The following BCLAF3 variants were observed in gnomAD, a reference collection of about 807,000 sequenced individuals.
BCLAF3 encodes BCLAF1 and THRAP3 family member 3, also known as transient octamer binding factor 1.
BCLAF3 carries 24 observed loss-of-function variants against 51.2 expected under a neutral mutation model. The ratio of observed to expected loss-of-function variants is 0.47; its 90% CI spans 0.34 to 0.66. The LOEUF (loss-of-function observed/expected upper bound fraction) is 0.66, where lower values mean the gene tolerates loss of function less well. Among genes scored for constraint, BCLAF3 ranks in the 30% least tolerant of loss-of-function variants. The pLI, the probability that BCLAF3 is intolerant of heterozygous loss-of-function variation, is 0.01. For synonymous variants in BCLAF3, 152 were observed against 176.6 expected (o/e 0.86, Z 1.10); for missense variants, 465 against 525.1 (o/e 0.89, Z 1.12).
At position 19,924,692 on chromosome X, in the gene BCLAF3, G is replaced by A. The variant is rs776138993; in HGVS notation, c.2106+5093C>T. On this transcript the variant is annotated intron_variant, in intron 11 of 11. Transcript: ENST00000379682. Reference sequence around the variant, plus strand: ...GCACCACAGCACCTGAGGACTGCTGGAGAATGCTCCTCAGATCTCCGCTGC... The same window carrying A: ...GCACCACAGCACCTGAGGACTGCTGAAGAATGCTCCTCAGATCTCCGCTGC... 1.5e-3 allele frequency among the ~76,000 whole-genome samples: 170 copies of A among 111,641 alleles called. 1 individual carries two copies. The highest frequency in any genetic ancestry group is 9.2e-3 in the Middle Eastern group (2 of 217).
intron 8 of BCLAF3, among the ~76,000 whole-genome samples, chrX:19,939,159 T>C (rs1031655419): frequency 2.7e-5 from 3 of 112,450 alleles, no homozygotes; most frequent in Non-Finnish European, 3.8e-5. Context: ...ATTTCAATTA[T>C]TTAAAATATA....
At chrX:19,918,122 T>C (rs754750507) in intron 11 of BCLAF3, 1 of 112,073 alleles carries the variant, frequency 8.9e-6, no homozygotes, top group Non-Finnish European at 1.9e-5. Flanking sequence ...TAAAAGTTGA[T>C]TTATTTTTTG....
chrX:19,930,536 GCCTGTAGTCCCAGCTACTCA>G (rs1384051578), intron 10 of BCLAF3: 3 of 162,673 alleles, frequency 1.8e-5, no homozygotes, highest in Non-Finnish European at 3.6e-5. Flanking sequence ...GGTGGCTCAT[GCCTGTAGTCCCAGCTACTCA>G]GGAGGCTGAG....
intron 10 of BCLAF3, 72 bp from the exon 11 acceptor site, chrX:19,930,012 AGTGGGTGGTTGG>A: frequency 9.3e-7 from 1 of 1,074,917 alleles, no homozygotes. Context: ...TAAACAGATG[AGTGGGTGGTTGG>A]GTGCAGTAGC....
chrX:19,936,645 T>C (rs2070771687), intron 9 of BCLAF3, among the ~76,000 whole-genome samples: 3 of 111,603 alleles, frequency 2.7e-5, no homozygotes, highest in Admixed American at 1.9e-4. Flanking sequence ...AAAAAGAATA[T>C]GGTAAAGGAT....
At chrX:19,921,269 T>C (rs1049633420) in intron 11 of BCLAF3, among the ~76,000 whole-genome samples, 1 of 111,253 alleles carries the variant, frequency 9.0e-6, no homozygotes. Context: ...CAAGAAGCAA[T>C]GAAACAAGCG....
intron 11 of BCLAF3, among the ~76,000 whole-genome samples, chrX:19,918,652 T>TG (rs770712937): frequency 2.8e-4 from 29 of 103,387 alleles, no homozygotes; most frequent in African/African-American, 1.0e-3. Context: ...GCAATTCTCC[T>TG]GCCTCAGCCT....
intron 11 of BCLAF3, among the ~76,000 whole-genome samples, chrX:19,927,519 G>A (rs1466626861): frequency 8.9e-6 from 1 of 112,094 alleles, no homozygotes; most frequent in Non-Finnish European, 1.9e-5. Context: ...TAAAACCACA[G>A]TTGGGCTATT....
intron 4 of BCLAF3, among the ~76,000 whole-genome samples, chrX:19,962,496 T>G (rs1311238763): frequency 1.8e-5 from 2 of 112,585 alleles, no homozygotes; most frequent in Non-Finnish European, 3.8e-5. Flanking sequence ...TCATTACTTT[T>G]ATTAAAAAGT....
rs1274647669 is a variant in BCLAF3 at position 19,913,671 on chromosome X, C to CT, written c.*3633dup. ...CTGATGTTGCTGGTCTGGGACCACA[C>CT]TTTGAGAACCACTGTATTAAGGTCA... On this transcript the variant is annotated 3_prime_UTR_variant, in exon 12 of 12. Coordinates refer to ENST00000379682, the MANE Select transcript of BCLAF3 (RefSeq NM_001367774.2). 9.0e-6 allele frequency: 1 copy of CT among 111,235 alleles called. No individual in the cohort carries two copies. The highest frequency in any genetic ancestry group is 2.8e-4 in the East Asian group (1 of 3,533). 9.2% of individuals were successfully genotyped at this position (111,235 alleles called of 1,213,427 possible).
At chrX:19,953,717 A>T in intron 6 of BCLAF3, 61 bp downstream of exon 6, 1 of 957,003 alleles carries the variant, frequency 1.0e-6, no homozygotes, top group Non-Finnish European at 1.5e-6. Context: ...CCCCTTCCCA[A>T]ATCTTTTCTG....
At position 19,913,406 on chromosome X, in the gene BCLAF3, A is replaced by G. The variant is rs779329796; in HGVS notation, c.*3899T>C. 64 of 112,566 alleles carry G rather than the reference A, an allele frequency of 5.7e-4. No homozygotes were observed. The highest frequency in any genetic ancestry group is 1.9e-3 in the African/African-American group (60 of 31,070). The allele number at this position is 112,566 out of a possible 1,213,427, so 9.3% of individuals were successfully genotyped here. On this transcript the variant is annotated 3_prime_UTR_variant, in exon 12 of 12. Transcript: ENST00000379682. ...AAGTTTTAGATTTAACTTTATTTGA[A>G]TGCAATAGAAAAAAAATTAGGCATT...
intron 1 of BCLAF3, among the ~76,000 whole-genome samples, chrX:19,978,851 C>T (rs1019245677): frequency 6.3e-5 from 7 of 110,407 alleles, no homozygotes; most frequent in East Asian, 2.9e-4. Flanking sequence ...ATACTCCTGC[C>T]TTAGCCTCCC....
chrX:19,938,624 T>C (rs1013121578), intron 8 of BCLAF3, among the ~76,000 whole-genome samples: 8 of 112,523 alleles, frequency 7.1e-5, no homozygotes, highest in African/African-American at 1.6e-4. Flanking sequence ...CTTGAACTCC[T>C]GACCTCAAGT....
At chrX:19,977,297 C>T (rs1834553953) in intron 1 of BCLAF3, among the ~76,000 whole-genome samples, 1 of 112,194 alleles carries the variant, frequency 8.9e-6, no homozygotes, top group Admixed American at 9.5e-5. Flanking sequence ...TGAGAAAGGC[C>T]AAAAACTAGG....
chrX:19,949,519 T>C (rs754140234), intron 8 of BCLAF3, among the ~76,000 whole-genome samples: 2 of 112,381 alleles, frequency 1.8e-5, no homozygotes, highest in South Asian at 3.7e-4. Context: ...AAAAGCATGA[T>C]AGAGAGCTTG....
chrX:19,990,040 G>A (rs1204149581), intron 1 of BCLAF3, among the ~76,000 whole-genome samples: 1 of 107,977 alleles, frequency 9.3e-6, no homozygotes, highest in African/African-American at 3.4e-5. Flanking sequence ...CTGCTCTGTC[G>A]TTTGGACCTG....
intron 8 of BCLAF3, among the ~76,000 whole-genome samples, chrX:19,947,232 G>A (rs754608573): frequency 1.6e-3 from 184 of 112,120 alleles, no homozygotes; most frequent in Non-Finnish European, 2.2e-3. Flanking sequence ...ACAGTCTGTC[G>A]TTCCAACTCC....
intron 1 of BCLAF3, among the ~76,000 whole-genome samples, 26 bp downstream of exon 1, chrX:19,990,882 G>A (rs1193265599): frequency 1.9e-5 from 2 of 106,078 alleles, no homozygotes; most frequent in South Asian, 4.0e-4. Context: ...AGGCCTCCTC[G>A]CCCCGCCTCC....
Sources: gnomAD v4.1 joint callset for allele counts (sites outside exome capture counted in the v4.1 genomes callset) on GRCh38, gnomAD v4.1.1 for gene constraint, MANE v1.5 for transcripts, NCBI Gene and HGNC (gene_info 2026-07-23, HGNC 2026-07-21) for gene names.